The following PLA2G4E variants were observed in gnomAD, a reference collection of about 807,000 sequenced individuals.
PLA2G4E encodes cytosolic phospholipase A2 epsilon.
PLA2G4E carries 84 observed loss-of-function variants against 109.1 expected under a neutral mutation model. The ratio of observed to expected loss-of-function variants is 0.77; its 90% CI spans 0.65 to 0.92. PLA2G4E has a LOEUF of 0.92. PLA2G4E is among the 40% of genes least tolerant of loss of function. PLA2G4E has a pLI of 0.00. For missense variants in PLA2G4E, 1,057 were observed against 1,076.6 expected, an observed-to-expected ratio of 0.98 and a Z score of 0.25; for synonymous variants, 469 against 436.1, an observed-to-expected ratio of 1.08 and a Z score of -0.94.
chr15:42,044,647 G>C (rs555100075), intron 1 of PLA2G4E, among the ~76,000 whole-genome samples: 4 of 129,252 alleles, frequency 3.1e-5, no homozygotes, highest in African/African-American at 1.2e-4. Context: ...GATGGGGGGA[G>C]GGGGGAGGGA....
chr15:41,987,132 A>G (rs1019364950), intron 17 of PLA2G4E, 40 bp downstream of exon 17: 6 of 1,566,728 alleles, frequency 3.8e-6, no homozygotes, highest in African/African-American at 1.4e-5. Context: ...TTCCTCCTCC[A>G]TATGGAGGCA....
At chr15:42,021,474 G>A (rs1243039573) in intron 1 of PLA2G4E, among the ~76,000 whole-genome samples, 2 of 151,718 alleles carry the variant, frequency 1.3e-5, no homozygotes, top group South Asian at 2.1e-4. Context: ...GGTACCCCAG[G>A]AGCTGTGGCC....
At chr15:41,988,947 G>C (rs78455377) in intron 15 of PLA2G4E, among the ~76,000 whole-genome samples, 1 of 152,176 alleles carries the variant, frequency 6.6e-6, no homozygotes, top group Non-Finnish European at 1.5e-5. Context: ...GCCCTTTGAC[G>C]GGCGCAGCTA....
chr15:42,006,401 G>A (rs1423661565), intron 3 of PLA2G4E, among the ~76,000 whole-genome samples: 1 of 152,188 alleles, frequency 6.6e-6, no homozygotes, highest in Non-Finnish European at 1.5e-5. Flanking sequence ...AGAGACCTGT[G>A]AAGTATGGAA....
At chr15:41,992,686 GC>G in intron 13 of PLA2G4E, 50 bp downstream of exon 13, 2 of 1,558,010 alleles carry the variant, frequency 1.3e-6, no homozygotes, top group Non-Finnish European at 1.8e-6. Flanking sequence ...AAGAAAGAGA[GC>G]CAGGCATCAG....
chr15:42,021,990 C>T (rs2068653213), intron 1 of PLA2G4E, among the ~76,000 whole-genome samples: 1 of 152,230 alleles, frequency 6.6e-6, no homozygotes, highest in South Asian at 2.1e-4. Context: ...GGGCCTTAGC[C>T]TGCTGCTCTC....
intron 1 of PLA2G4E, among the ~76,000 whole-genome samples, chr15:42,030,753 T>G (rs2141070958): frequency 6.6e-6 from 1 of 152,356 alleles, no homozygotes; most frequent in Non-Finnish European, 1.5e-5. Context: ...CCTGTTGCTG[T>G]AGACTAGGTG....
At chr15:42,047,577 G>A (rs72727721) in intron 1 of PLA2G4E, among the ~76,000 whole-genome samples, 14,396 of 152,204 alleles carry the variant, frequency 0.095, 727 homozygotes, top group South Asian at 0.19. Flanking sequence ...CCTTTGGGGG[G>A]CATATTCAGA....
intron 1 of PLA2G4E, among the ~76,000 whole-genome samples, chr15:42,044,390 G>T (rs891575602): frequency 6.6e-6 from 1 of 152,078 alleles, no homozygotes; most frequent in African/African-American, 2.4e-5. Context: ...GAGTGGAAAA[G>T]GCTGGCGTGT....
chr15:41,995,245 G>T, intron 12 of PLA2G4E, 115 bp downstream of exon 12: 1 of 1,372,612 alleles, frequency 7.3e-7, no homozygotes, highest in Non-Finnish European at 9.8e-7. Context: ...GCACTTCCCA[G>T]GCTTCAGGAG....
At chr15:42,033,288 T>C (rs1261471463) in intron 1 of PLA2G4E, among the ~76,000 whole-genome samples, 1 of 152,110 alleles carries the variant, frequency 6.6e-6, no homozygotes, top group Admixed American at 6.5e-5. Context: ...CGATGAGCCT[T>C]GGCCCTGCTT....
At chr15:42,001,337 G>A in intron 6 of PLA2G4E, 117 bp from the exon 7 acceptor site, 1 of 944,438 alleles carries the variant, frequency 1.1e-6, no homozygotes, top group Non-Finnish European at 1.7e-6. Context: ...TGACTGGGCT[G>A]ATGCTGGGGA....
chr15:42,032,407 G>A (rs1432724218), intron 1 of PLA2G4E, among the ~76,000 whole-genome samples: 1 of 152,244 alleles, frequency 6.6e-6, no homozygotes, highest in Non-Finnish European at 1.5e-5. Flanking sequence ...AGGGGAGGCA[G>A]AAGGGGCAGT....
intron 1 of PLA2G4E, among the ~76,000 whole-genome samples, chr15:42,020,941 G>A (rs1004384387): frequency 2.6e-5 from 4 of 151,888 alleles, no homozygotes; most frequent in Admixed American, 6.6e-5. Flanking sequence ...TCACCTTCAA[G>A]GCACAGGTGG....
chr15:42,000,257 G>A (rs746625680), exon 8 of PLA2G4E: 124 of 1,575,174 alleles, frequency 7.9e-5, no homozygotes, highest in Admixed American at 1.1e-4. Context: ...CAAAGGATTC[G>A]TTCACCATCA....
intron 1 of PLA2G4E, among the ~76,000 whole-genome samples, chr15:42,034,856 T>C (rs1889180900): frequency 6.6e-6 from 1 of 152,240 alleles, no homozygotes; most frequent in South Asian, 2.1e-4. Context: ...CCCTTGGACT[T>C]CCCAGTTACA....
intron 1 of PLA2G4E, among the ~76,000 whole-genome samples, chr15:42,019,514 C>T (rs2068627861): frequency 1.3e-5 from 2 of 152,152 alleles, no homozygotes; most frequent in South Asian, 2.1e-4. Flanking sequence ...GCAGGAACTC[C>T]CTCCCCAGGG....
chr15:42,006,136 A>C lies in PLA2G4E; in HGVS notation c.394-15T>G. The C allele has an allele frequency of 1.2e-6, 2 of 1,613,176 alleles. No individual in the cohort carries two copies. The highest frequency in any genetic ancestry group is 1.7e-6 in the Non-Finnish European group (2 of 1,179,358). ...TCTAGCACGTTCTAGGGGAGAAGGA[A>C]GGATGCCAGTCTGGTTACCACGGTT... On this transcript the variant is annotated splice_polypyrimidine_tract_variant and intron_variant, in intron 3 of 19. Coordinates refer to ENST00000399518, the Ensembl canonical transcript of PLA2G4E.
In PLA2G4E at chr15:42,001,147, A is replaced by C; in HGVS notation, c.673+10T>G. The C allele has an allele frequency of 1.2e-6, 2 of 1,611,524 alleles. No individual in the cohort carries two copies. On this transcript the variant is annotated intron_variant, in intron 7 of 19. Transcript: ENST00000399518. ...GTCCCCCAGTAGGCAGAAAAGGCAA[A>C]ACAGCTCACTTTTCTCCCTCTTCCT...
Sources: allele counts gnomAD v4.1 joint callset (sites outside exome capture counted in the v4.1 genomes callset), GRCh38; gene constraint gnomAD v4.1.1; transcripts MANE v1.5; gene names NCBI Gene and HGNC (gene_info 2026-07-23, HGNC 2026-07-21).